Variants in AMDHD1 observed in about 807,000 individuals in gnomAD.
AMDHD1 encodes the protein amidohydrolase domain containing 1.
In AMDHD1, 45 loss-of-function variants were observed where a neutral mutation model predicts 44.1. That is an observed-to-expected ratio of 1.02 (90% CI 0.80 to 1.31). The LOEUF (loss-of-function observed/expected upper bound fraction) is 1.31, where lower values mean the gene tolerates loss of function less well. Among genes scored for constraint, AMDHD1 ranks in the 50% most tolerant of loss-of-function variants. AMDHD1 has a pLI of 0.00. For missense variants in AMDHD1, 586 were observed against 552.1 expected (o/e 1.06, Z -0.61); for synonymous variants, 206 against 205.0 (o/e 1.00, Z -0.04).
intron 1 of AMDHD1, among the ~76,000 whole-genome samples, chr12:95,945,674 G>A (rs937227713): frequency 6.6e-5 from 10 of 152,200 alleles, no homozygotes; most frequent in African/African-American, 2.4e-4. Flanking sequence ...GAAGAACACA[G>A]GCTGTGAGTG....
At chr12:95,955,038 G>A (rs1164819076) in intron 3 of AMDHD1, 63 bp downstream of exon 3, 1 of 1,502,094 alleles carries the variant, frequency 6.7e-7, no homozygotes, top group African/African-American at 1.4e-5. Flanking sequence ...TTGCTGAAGA[G>A]TTAGTAGGCT....
chr12:95,952,923 A>G, intron 2 of AMDHD1, 100 bp downstream of exon 2: 1 of 670,226 alleles, frequency 1.5e-6, no homozygotes. Flanking sequence ...GTCTCAAAAT[A>G]ATATTTAAAA....
At chr12:95,960,338 C>T in intron 4 of AMDHD1, 60 bp from the exon 5 acceptor site, 2 of 1,479,082 alleles carry the variant, frequency 1.4e-6, no homozygotes, top group Non-Finnish European at 1.9e-6. Context: ...GCCAGATTAC[C>T]CTGTCTTTTT....
intron 7 of AMDHD1, 85 bp from the exon 8 acceptor site, chr12:95,966,263 T>C: frequency 4.0e-6 from 6 of 1,493,274 alleles, no homozygotes; most frequent in East Asian, 2.3e-5. Context: ...TAACTGCCTC[T>C]ATTTGTTGTG....
chr12:95,943,682 C>A lies in AMDHD1; in HGVS notation c.137+147C>A, dbSNP rs370292850. 4.9e-4 allele frequency: 570 copies of A among 1,159,570 alleles called. 8 individuals carry two copies. The South Asian group carries it at 0.011, about 21-fold the overall frequency. The allele number at this position is 1,159,570 out of a possible 1,614,324, so 71.8% of individuals were successfully genotyped here. The stretch of plus-strand genomic sequence containing the variant: ...AAGCCAGCCTTTGGGGTACCTGTTG[C>A]TAACACGCTCTGCTGCTTGGGGTTG... On this transcript the variant is annotated intron_variant, in intron 1 of 8. Transcript: ENST00000266736.
chr12:95,962,579 C>A (rs1312109471), intron 6 of AMDHD1, 100 bp downstream of exon 6: 8 of 1,336,476 alleles, frequency 6.0e-6, no homozygotes, highest in Non-Finnish European at 6.9e-6. Flanking sequence ...CCTTACAAAT[C>A]CCTTAAAAAT....
intron 1 of AMDHD1, among the ~76,000 whole-genome samples, chr12:95,951,061 T>G (rs189931162): frequency 6.6e-6 from 1 of 152,318 alleles, no homozygotes; most frequent in Non-Finnish European, 1.5e-5. Context: ...ATCTCAAGCA[T>G]TCATCATTTC....
In AMDHD1 at chr12:95,967,854, A is replaced by G; in HGVS notation, c.*11A>G. On this transcript the variant is annotated 3_prime_UTR_variant, in exon 9 of 9. Transcript: ENST00000266736. ...ATCTATAAAACATGATAGATTTGAAAAGAGAAGACTTTTTGACTATATGAA... is the reference window on the plus strand; with the variant it reads ...ATCTATAAAACATGATAGATTTGAAGAGAGAAGACTTTTTGACTATATGAA... 1 of 1,530,044 alleles carries G rather than the reference A, an allele frequency of 6.5e-7. No homozygotes were observed. The highest frequency in any genetic ancestry group is 1.7e-4 in the Middle Eastern group (1 of 5,882). The allele number at this position is 1,530,044 out of a possible 1,614,324, so 94.8% of individuals were successfully genotyped here. A position where few individuals can be genotyped will look rare whatever the true frequency, so the allele number is the denominator to read the frequency against.
intron 1 of AMDHD1, among the ~76,000 whole-genome samples, chr12:95,946,180 A>AGATG (rs2080495044): frequency 6.6e-6 from 1 of 152,128 alleles, no homozygotes; most frequent in Non-Finnish European, 1.5e-5. Flanking sequence ...TCCAAAGGCT[A>AGATG]AAACCTAGAT....
chr12:95,954,834 T>A (rs2080542301), intron 2 of AMDHD1, 77 bp from the exon 3 acceptor site: 1 of 1,336,254 alleles, frequency 7.5e-7, no homozygotes, highest in Non-Finnish European at 1.1e-6. Flanking sequence ...AGCAGCAGGG[T>A]ATAGTGCTGC....
intron 4 of AMDHD1, among the ~76,000 whole-genome samples, chr12:95,958,770 C>T (rs960891623): frequency 2.0e-5 from 3 of 152,102 alleles, no homozygotes; most frequent in African/African-American, 4.8e-5. Context: ...CAATAACTTG[C>T]GCAGGCAGGG....
Position 95,956,700 on chromosome 12 carries a change from T to C in AMDHD1, c.325T>C (p.Tyr109His), listed in dbSNP as rs1162534989. 5 of 1,613,910 alleles carry C rather than the reference T, an allele frequency of 3.1e-6. No homozygotes were observed. Among genetic ancestry groups the C allele is most frequent in the African/African-American group, 1.3e-5 (1 of 74,934 alleles). Residue 109 changes from tyrosine to histidine, a missense_variant, in exon 4 of 9, where the codon TAC (tyrosine) becomes CAC (histidine). Transcript: ENST00000266736. ...GTGTGTTCAGTTGGCAGGAGCCACC[T>C]ACATGGAAATTCACCAGGCCGGAGG... The part of the protein sequence containing the change: ...EFAMKLAGAT[Y>H]MEIHQAGGGI...
intron 7 of AMDHD1, 115 bp downstream of exon 7, chr12:95,965,894 G>T: frequency 1.3e-6 from 1 of 757,694 alleles, no homozygotes; most frequent in Non-Finnish European, 2.0e-6. Flanking sequence ...ATATTTTTCT[G>T]TGAAACAAGA....
Position 95,964,896 on chromosome 12 carries a change from A to G in AMDHD1, c.939-790A>G, listed in dbSNP as rs189515072. On this transcript the variant is annotated intron_variant, in intron 6 of 8. Transcript: ENST00000266736. ...TACACACTAAATTCTTGGGCCTTCA[A>G]GATTTTAAAGGACCTACAGAGATGT... Among the ~76,000 whole-genome samples, 11 of 144,176 alleles carry G rather than the reference A, an allele frequency of 7.6e-5. No homozygotes were observed. The Admixed American group carries it at 7.8e-4, about 10-fold the overall frequency. The allele number at this position is 144,176 out of a possible 152,430, so 94.6% of individuals were successfully genotyped here.
intron 8 of AMDHD1, 149 bp downstream of exon 8, chr12:95,966,657 A>G: frequency 9.6e-7 from 1 of 1,046,794 alleles, no homozygotes; most frequent in Non-Finnish European, 1.4e-6. Flanking sequence ...CTTTCCAAAG[A>G]GCAAATCTAC....
At chr12:95,956,504 G>A (rs1365356681) in intron 3 of AMDHD1, 181 bp from the exon 4 acceptor site, 1 of 769,112 alleles carries the variant, frequency 1.3e-6, no homozygotes, top group African/African-American at 1.8e-5. Flanking sequence ...CCACAATCCA[G>A]TGTCTGGCAG....
In AMDHD1 at chr12:95,968,451, G is replaced by A. The variant is rs1453968129; in HGVS notation, c.*608G>A. The A allele has an allele frequency of 6.6e-6, 1 of 152,188 alleles. No homozygotes were observed. The highest frequency in any genetic ancestry group is 1.5e-5 in the Non-Finnish European group (1 of 68,034). 9.4% of individuals were successfully genotyped at this position (152,188 alleles called of 1,614,324 possible). On this transcript the variant is annotated 3_prime_UTR_variant, in exon 9 of 9. Coordinates refer to ENST00000266736, the MANE Select transcript of AMDHD1 (RefSeq NM_152435.3). ...GACACATCATTTATACACAGGCACA[G>A]GGGCCTTCCTGAAATGGGTGCATTT... is the stretch of plus-strand genomic sequence containing the variant.
chr12:95,960,470 A>AT lies in AMDHD1; in HGVS notation c.660_661insT (p.Asn221Ter). ...TCCCAAAGCTGAAGGAACTTGGCAG[A>AT]AATGGGGAAATACACGTGGACAATA... On this transcript the variant is annotated frameshift_variant, in exon 5 of 9. Transcript: ENST00000266736. LOFTEE classifies it high-confidence loss of function. 6.2e-7 allele frequency: 1 copy of AT among 1,614,272 alleles called. No individual in the cohort carries two copies. The highest frequency in any genetic ancestry group is 1.1e-5 in the South Asian group (1 of 91,088).
At chr12:95,945,391 G>A (rs1323877141) in intron 1 of AMDHD1, among the ~76,000 whole-genome samples, 2 of 152,102 alleles carry the variant, frequency 1.3e-5, no homozygotes, top group South Asian at 2.1e-4. Context: ...TGATTAGCTC[G>A]GTACAGGATG....
Sources: allele counts gnomAD v4.1 joint callset (sites outside exome capture counted in the v4.1 genomes callset), GRCh38; gene constraint gnomAD v4.1.1; transcripts MANE v1.5; gene names NCBI Gene and HGNC (gene_info 2026-07-23, HGNC 2026-07-21).